AKAP6: variants seen among roughly 807,000 people sequenced by gnomAD.
AKAP6 encodes A-kinase anchor protein 6.
AKAP6 carries 58 observed loss-of-function variants against 188.5 expected under a neutral mutation model. The observed-to-expected ratio is 0.31, with a 90% confidence interval of 0.25 to 0.38. AKAP6 has a LOEUF of 0.38. AKAP6 is among the 10% of genes least tolerant of loss of function. The pLI is 1.00. For missense variants in AKAP6, 2,710 were observed against 2,740.0 expected (o/e 0.99, Z 0.24); for synonymous variants, 989 against 998.6 (o/e 0.99, Z 0.18).
At chr14:32,782,706 A>G (rs946935962) in intron 12 of AKAP6, among the ~76,000 whole-genome samples, 1 of 152,194 alleles carries the variant, frequency 6.6e-6, no homozygotes, top group Non-Finnish European at 1.5e-5. Flanking sequence ...ATATGGAAGA[A>G]CTGTATGCAA....
intron 11 of AKAP6, among the ~76,000 whole-genome samples, chr14:32,740,474 A>G (rs1402240722): frequency 6.6e-6 from 1 of 151,806 alleles, no homozygotes; most frequent in Non-Finnish European, 1.5e-5. Flanking sequence ...GATTTCCCCT[A>G]ATGTTTTCTT....
At chr14:32,717,607 A>ATC (rs1268245539) in intron 9 of AKAP6, among the ~76,000 whole-genome samples, 96 of 123,682 alleles carry the variant, frequency 7.8e-4, no homozygotes, top group African/African-American at 3.3e-3. Context: ...CTTGTCTCTT[A>ATC]TCACACACAC....
intron 1 of AKAP6, among the ~76,000 whole-genome samples, chr14:32,342,381 C>A (rs1398209057): frequency 6.6e-6 from 1 of 152,164 alleles, no homozygotes; most frequent in Admixed American, 6.5e-5. Flanking sequence ...TCTTCCATGT[C>A]TACCCTCACC....
At chr14:32,601,293 G>T (rs1485991723) in intron 7 of AKAP6, among the ~76,000 whole-genome samples, 1 of 152,238 alleles carries the variant, frequency 6.6e-6, no homozygotes, top group Middle Eastern at 3.4e-3. Flanking sequence ...CATTGTAGTG[G>T]GAAGAAGGTC....
Position 32,439,263 on chromosome 14 carries a change from C to T in AKAP6, c.324+5446C>T, listed in dbSNP as rs577550910. Among the ~76,000 whole-genome samples the T allele has an allele frequency of 1.2e-4, 18 of 152,318 alleles. No homozygotes were observed. In the South Asian group the frequency reaches 3.1e-3, roughly 26 times the overall value. ...CTACTGGGAAAAAGGATTGAATCCT[C>T]TCCACAGCTGGGATTTGGCACCATC... is the stretch of plus-strand genomic sequence containing the variant. On this transcript the variant is annotated intron_variant, in intron 2 of 13. Transcript: ENST00000280979.
At position 32,583,781 on chromosome 14, in the gene AKAP6, G is replaced by T. The variant is rs140637739; in HGVS notation, c.2469+6539G>T. Among the ~76,000 whole-genome samples the T allele has an allele frequency of 1.3e-3, 205 of 152,312 alleles. 1 individual carries two copies. In the East Asian group the frequency reaches 0.023, roughly 17 times the overall value. On this transcript the variant is annotated intron_variant, in intron 5 of 13. Coordinates refer to ENST00000280979, the MANE Select transcript of AKAP6 (RefSeq NM_004274.5). ...CGTGGGCGTAGGACCCTCTGAGCCA[G>T]GTGCGGGATATAATCTCCCGGTGCG...
chr14:32,536,218 A>G (rs1470424857), intron 3 of AKAP6, among the ~76,000 whole-genome samples: 1 of 152,242 alleles, frequency 6.6e-6, no homozygotes, highest in Non-Finnish European at 1.5e-5. Flanking sequence ...CCAAACTGTG[A>G]TAAGTCTACA....
intron 1 of AKAP6, among the ~76,000 whole-genome samples, chr14:32,429,415 G>T (rs778632777): frequency 6.6e-6 from 1 of 152,066 alleles, no homozygotes; most frequent in African/African-American, 2.4e-5. Flanking sequence ...GTTACTATAC[G>T]TTTCTACAAT....
chr14:32,689,233 G>A (rs1890062764), intron 8 of AKAP6, among the ~76,000 whole-genome samples: 1 of 144,658 alleles, frequency 6.9e-6, no homozygotes, highest in African/African-American at 2.6e-5. Flanking sequence ...TAGTGTAACA[G>A]AATCCTCTAA....
At chr14:32,778,840 C>T (rs1162474001) in intron 12 of AKAP6, among the ~76,000 whole-genome samples, 1 of 150,898 alleles carries the variant, frequency 6.6e-6, no homozygotes, top group African/African-American at 2.4e-5. Flanking sequence ...AGTCGCCATG[C>T]CTAGCTTATA....
chr14:32,783,906 C>T (rs1245278904), intron 12 of AKAP6, among the ~76,000 whole-genome samples: 2 of 152,152 alleles, frequency 1.3e-5, no homozygotes, highest in Non-Finnish European at 2.9e-5. Flanking sequence ...AAGAATGGTA[C>T]ATATGCAGCC....
At chr14:32,749,818 C>T (rs1174377991) in intron 11 of AKAP6, among the ~76,000 whole-genome samples, 1 of 152,130 alleles carries the variant, frequency 6.6e-6, no homozygotes, top group Non-Finnish European at 1.5e-5. Context: ...AACCAGAAAC[C>T]CTACAATCAT....
intron 5 of AKAP6, among the ~76,000 whole-genome samples, chr14:32,585,990 TC>T (rs1306210537): frequency 2.0e-5 from 3 of 152,078 alleles, no homozygotes; most frequent in African/African-American, 7.2e-5. Flanking sequence ...TCATTGAAGG[TC>T]CGGGTTTGTT....
At chr14:32,478,053 C>T (rs1879160527) in intron 2 of AKAP6, among the ~76,000 whole-genome samples, 2 of 152,142 alleles carry the variant, frequency 1.3e-5, no homozygotes, top group African/African-American at 4.8e-5. Flanking sequence ...GTTGAGCCTC[C>T]CTAGTGAATC....
At position 32,537,377 on chromosome 14, in the gene AKAP6, C is replaced by T. The variant is rs571477204; in HGVS notation, c.576+1572C>T. Reference sequence around the variant, plus strand: ...CCAAGTTAGATCCCTAGAGGGTTCTCAACTGGGACTGTTGTGGTTATGGGA... The same window carrying T: ...CCAAGTTAGATCCCTAGAGGGTTCTTAACTGGGACTGTTGTGGTTATGGGA... On this transcript the variant is annotated intron_variant, in intron 3 of 13. Transcript: ENST00000280979. Among the ~76,000 whole-genome samples, 17 of 152,284 alleles carry T rather than the reference C, an allele frequency of 1.1e-4. 1 individual carries two copies. The South Asian group carries it at 3.5e-3, about 32-fold the overall frequency.
At chr14:32,827,036 A>G (rs2140161150) in intron 13 of AKAP6, among the ~76,000 whole-genome samples, 1 of 152,300 alleles carries the variant, frequency 6.6e-6, no homozygotes, top group East Asian at 1.9e-4. Context: ...GATGCCTGAA[A>G]TTTTTACCAG....
At chr14:32,491,495 A>G (rs769018925) in intron 2 of AKAP6, among the ~76,000 whole-genome samples, 10 of 152,172 alleles carry the variant, frequency 6.6e-5, no homozygotes, top group South Asian at 2.1e-4. Context: ...ATGAAATTAC[A>G]TATGTTATGT....
chr14:32,565,768 C>T (rs554849502), intron 4 of AKAP6, among the ~76,000 whole-genome samples: 24 of 152,292 alleles, frequency 1.6e-4, no homozygotes, highest in African/African-American at 4.3e-4. Flanking sequence ...CTAAGTGTTT[C>T]GTATTTGTCT....
intron 2 of AKAP6, among the ~76,000 whole-genome samples, chr14:32,473,202 T>C (rs1878875940): frequency 6.6e-6 from 1 of 152,232 alleles, no homozygotes; most frequent in African/African-American, 2.4e-5. Flanking sequence ...AGTTATTTTT[T>C]ACTTTGCTTT....
Sources: gnomAD v4.1 joint callset for allele counts (sites outside exome capture counted in the v4.1 genomes callset) on GRCh38, gnomAD v4.1.1 for gene constraint, MANE v1.5 for transcripts, NCBI Gene and HGNC (gene_info 2026-07-23, HGNC 2026-07-21) for gene names.